Variants in HMHB1 observed in about 807,000 individuals in gnomAD.
HMHB1 encodes histocompatibility minor HB-1.
A neutral mutation model predicts 2.4 loss-of-function variants in HMHB1; 4 were observed. The observed-to-expected ratio is 1.65, with a 90% confidence interval of 0.81 to 3.77. HMHB1 has a LOEUF of 3.77. Among genes scored for constraint, HMHB1 ranks in the 30% most tolerant of loss-of-function variants. The probability of loss-of-function intolerance (pLI) is 0.01; values close to 1 mark genes in which losing one functional copy is unlikely to be tolerated. For synonymous variants in HMHB1, 22 were observed against 17.6 expected, an observed-to-expected ratio of 1.25 and a Z score of -0.63; for missense variants, 57 against 44.2, an observed-to-expected ratio of 1.29 and a Z score of -0.82.
Position 143,820,685 on chromosome 5 carries a change from G to A in HMHB1, c.*117G>A. 1 of 617,800 alleles carries A rather than the reference G, an allele frequency of 1.6e-6. No homozygotes were observed. Among genetic ancestry groups the A allele is most frequent in the African/African-American group, 1.8e-5 (1 of 54,606 alleles). 38.3% of individuals were successfully genotyped at this position (617,800 alleles called of 1,614,324 possible). On this transcript the variant is annotated 3_prime_UTR_variant, in exon 2 of 2. Coordinates refer to ENST00000289448, the MANE Select transcript of HMHB1 (RefSeq NM_021182.3). ...AGTGGAACATATGCCCTTTGCCTCT[G>A]CTCTGCACAGTGAAATGAAAAGTCA...
intron 1 of HMHB1, among the ~76,000 whole-genome samples, chr5:143,816,110 CT>C (rs1759747230): frequency 6.6e-6 from 1 of 152,230 alleles, no homozygotes; most frequent in Non-Finnish European, 1.5e-5. Flanking sequence ...TAAATTCCAT[CT>C]GCAAACTTAA....
Position 143,820,663 on chromosome 5 carries a change from G to T in HMHB1, c.*95G>T. 1.3e-6 allele frequency: 1 copy of T among 782,374 alleles called. No individual in the cohort carries two copies. Among genetic ancestry groups the T allele is most frequent in the East Asian group, 2.5e-5 (1 of 40,100 alleles). The allele number at this position is 782,374 out of a possible 1,614,324, so 48.5% of individuals were successfully genotyped here. On this transcript the variant is annotated 3_prime_UTR_variant, in exon 2 of 2. Coordinates refer to ENST00000289448, the MANE Select transcript of HMHB1 (RefSeq NM_021182.3). ...TGAAGAAGAGTAAAATTAAGCAAGT[G>T]GAACATATGCCCTTTGCCTCTGCTC...
At chr5:143,820,431 G>C in intron 1 of HMHB1, 49 bp from the exon 2 acceptor site, 1 of 1,048,130 alleles carries the variant, frequency 9.5e-7, no homozygotes, top group Middle Eastern at 2.1e-4. Flanking sequence ...AGAAAATACT[G>C]CTGAGAAGTT....
At chr5:143,818,416 T>C (rs573331889) in intron 1 of HMHB1, among the ~76,000 whole-genome samples, 2 of 152,348 alleles carry the variant, frequency 1.3e-5, no homozygotes, top group African/African-American at 4.8e-5. Flanking sequence ...TTCTAAATAA[T>C]TTTTTAAAGT....
chr5:143,819,840 T>C (rs1759788737), intron 1 of HMHB1, among the ~76,000 whole-genome samples: 1 of 152,180 alleles, frequency 6.6e-6, no homozygotes, highest in Non-Finnish European at 1.5e-5. Context: ...CAGATATTCT[T>C]GCCCTTACAA....
At chr5:143,818,374 C>T (rs540330093) in intron 1 of HMHB1, among the ~76,000 whole-genome samples, 18 of 152,280 alleles carry the variant, frequency 1.2e-4, no homozygotes, top group African/African-American at 4.1e-4. Flanking sequence ...CCACCTCCAC[C>T]CCTACTCAAA....
rs60960654 is a variant in HMHB1, at chr5:143,820,318, T to TAAAAAAAAAA, written c.38-139_38-130dup. ...AGGTGCTGCCCCGGCTCATCATAAG[T>TAAAAAAAAAA]AAAAAAAAAAAAAAAAAAAAAAAAA... On this transcript the variant is annotated intron_variant, in intron 1 of 1. Coordinates refer to ENST00000289448, the MANE Select transcript of HMHB1 (RefSeq NM_021182.3). Among the ~76,000 whole-genome samples, 54 of 47,570 alleles carry TAAAAAAAAAA rather than the reference T, an allele frequency of 1.1e-3. 1 individual carries two copies. Among genetic ancestry groups the TAAAAAAAAAA allele is most frequent in the Non-Finnish European group, 1.8e-3 (44 of 24,482 alleles). 31.2% of individuals were successfully genotyped at this position (47,570 alleles called of 152,430 possible).
At chr5:143,813,955 A>C (rs896063398) in intron 1 of HMHB1, among the ~76,000 whole-genome samples, 3 of 152,212 alleles carry the variant, frequency 2.0e-5, no homozygotes, top group Non-Finnish European at 4.4e-5. Context: ...TATGAGTAAC[A>C]CTATTGCAAA....
chr5:143,814,948 A>G (rs1223830470), intron 1 of HMHB1, among the ~76,000 whole-genome samples: 2 of 152,122 alleles, frequency 1.3e-5, no homozygotes, highest in African/African-American at 4.8e-5. Context: ...ATTTGTTGAT[A>G]TTTGTTATCC....
intron 1 of HMHB1, among the ~76,000 whole-genome samples, chr5:143,813,211 G>A (rs961538174): frequency 6.6e-6 from 1 of 152,164 alleles, no homozygotes; most frequent in African/African-American, 2.4e-5. Flanking sequence ...AATACAAACA[G>A]AACTTTCTTT....
At chr5:143,814,963 A>T (rs2126792859) in intron 1 of HMHB1, among the ~76,000 whole-genome samples, 1 of 152,320 alleles carries the variant, frequency 6.6e-6, no homozygotes, top group East Asian at 1.9e-4. Flanking sequence ...TTATCCCGTC[A>T]AACCTTTCTG....
At chr5:143,820,318 TAAAAAAAAAAAA>T (rs60960654) in intron 1 of HMHB1, among the ~76,000 whole-genome samples, 150 bp from the exon 2 acceptor site, 558 of 47,598 alleles carry the variant, frequency 0.012, 7 homozygotes, top group African/African-American at 0.036. Flanking sequence ...TCATCATAAG[TAAAAAAAAAAAA>T]AAAAAAAAAA....
At chr5:143,812,953 TTTTGTTTG>T (rs112071292) in intron 1 of HMHB1, among the ~76,000 whole-genome samples, 2 of 150,954 alleles carry the variant, frequency 1.3e-5, no homozygotes, top group African/African-American at 4.9e-5. Context: ...CTGTCGTGTT[TTTTGTTTG>T]TTTGTTTGTT....
chr5:143,812,853 CT>C (rs1452654367), intron 1 of HMHB1, among the ~76,000 whole-genome samples: 1 of 152,188 alleles, frequency 6.6e-6, no homozygotes, highest in Non-Finnish European at 1.5e-5. Flanking sequence ...GGGGGTATAG[CT>C]TTCCCCAGTT....
chr5:143,813,623 G>A (rs1488083683), intron 1 of HMHB1, among the ~76,000 whole-genome samples: 1 of 152,190 alleles, frequency 6.6e-6, no homozygotes, highest in East Asian at 1.9e-4. Context: ...GAAAGACATT[G>A]TCAGTCTCAT....
chr5:143,816,052 G>A lies in HMHB1; in HGVS notation c.37+3748G>A, dbSNP rs545798551. Among the ~76,000 whole-genome samples, 10 of 152,192 alleles carry A rather than the reference G, an allele frequency of 6.6e-5. No individual in the cohort carries two copies. The South Asian group carries it at 2.1e-3, about 32-fold the overall frequency. ...CCTTTTATTACATTAAGCTTTCTCA[G>A]ATAACCCAAAAGAATCTCCCTATTT... On this transcript the variant is annotated intron_variant, in intron 1 of 1. Transcript: ENST00000289448.
At chr5:143,817,202 T>C (rs1165017803) in intron 1 of HMHB1, among the ~76,000 whole-genome samples, 2 of 152,242 alleles carry the variant, frequency 1.3e-5, no homozygotes, top group Non-Finnish European at 2.9e-5. Flanking sequence ...AAAAGCTCTT[T>C]AGTTTAATTA....
In HMHB1 at chr5:143,820,318, TAAAAAAAAAAAAAAAA is replaced by T. The variant is rs60960654; in HGVS notation, c.38-145_38-130del. ...AGGTGCTGCCCCGGCTCATCATAAG[TAAAAAAAAAAAAAAAA>T]AAAAAAAAAAAAAAAACAGAACAAA... On this transcript the variant is annotated intron_variant, in intron 1 of 1. Coordinates refer to ENST00000289448, the MANE Select transcript of HMHB1 (RefSeq NM_021182.3). Among the ~76,000 whole-genome samples the T allele has an allele frequency of 1.3e-3, 60 of 47,576 alleles. 1 individual carries two copies. Among genetic ancestry groups the T allele is most frequent in the East Asian group, 4.9e-3 (9 of 1,828 alleles). 31.2% of individuals were successfully genotyped at this position (47,576 alleles called of 152,430 possible). A position where few individuals can be genotyped will look rare whatever the true frequency, so the allele number is the denominator to read the frequency against.
intron 1 of HMHB1, among the ~76,000 whole-genome samples, chr5:143,815,949 A>T (rs180778975): frequency 0.011 from 1,633 of 144,596 alleles, 89 homozygotes; most frequent in African/African-American, 0.031. Flanking sequence ...CTCATGATCC[A>T]CCCGCCTCGG....
Sources: allele counts gnomAD v4.1 joint callset (sites outside exome capture counted in the v4.1 genomes callset), GRCh38; gene constraint gnomAD v4.1.1; transcripts MANE v1.5; gene names NCBI Gene and HGNC (gene_info 2026-07-23, HGNC 2026-07-21).